Variants in AUTS2 observed in about 807,000 individuals in gnomAD.
AUTS2 encodes the protein activator of transcription and developmental regulator AUTS2, also known as autism susceptibility gene 2 protein.
A neutral mutation model predicts 112.4 loss-of-function variants in AUTS2; 17 were observed. That is an observed-to-expected ratio of 0.15 (90% CI 0.10 to 0.23). The LOEUF is 0.23. Ranked by LOEUF, AUTS2 falls within the 10% of genes least tolerant of loss-of-function variation. The probability of loss-of-function intolerance (pLI) is 1.00; values close to 1 mark genes in which losing one functional copy is unlikely to be tolerated. For missense variants in AUTS2, 1,510 were observed against 1,701.6 expected (o/e 0.89, Z 1.98); for synonymous variants, 751 against 702.7 (o/e 1.07, Z -1.09).
intron 4 of AUTS2, among the ~76,000 whole-genome samples, chr7:70,194,118 G>A (rs924189860): frequency 1.3e-5 from 2 of 152,182 alleles, no homozygotes; most frequent in African/African-American, 4.8e-5. Context: ...TAAGCATAAC[G>A]TTTGGCCAGG....
At chr7:70,007,955 G>A (rs1799620703) in intron 2 of AUTS2, among the ~76,000 whole-genome samples, 2 of 151,788 alleles carry the variant, frequency 1.3e-5, no homozygotes, top group Non-Finnish European at 2.9e-5. Flanking sequence ...TTTTTACATT[G>A]GCCTTTCTTG....
At chr7:69,895,547 C>CG (rs1554400676) in intron 1 of AUTS2, among the ~76,000 whole-genome samples, 22 of 144,816 alleles carry the variant, frequency 1.5e-4, no homozygotes, top group African/African-American at 5.6e-4. Flanking sequence ...TCTTCTTCCC[C>CG]CCCCCCGAGT....
At chr7:70,493,460 C>T (rs763375704) in intron 5 of AUTS2, among the ~76,000 whole-genome samples, 1 of 152,018 alleles carries the variant, frequency 6.6e-6, no homozygotes, top group Non-Finnish European at 1.5e-5. Context: ...TGTCAGAGAG[C>T]CTTCTTAATT....
chr7:70,313,119 T>C (rs531744021), intron 4 of AUTS2, among the ~76,000 whole-genome samples: 2 of 152,274 alleles, frequency 1.3e-5, no homozygotes, highest in Admixed American at 6.5e-5. Flanking sequence ...TAAAAAAACT[T>C]CCTCAGAATT....
chr7:70,135,681 G>A (rs1337701120), intron 4 of AUTS2, among the ~76,000 whole-genome samples: 2 of 152,046 alleles, frequency 1.3e-5, no homozygotes, highest in Non-Finnish European at 2.9e-5. Context: ...ATCTGTAATA[G>A]GAGAAAAAGT....
At chr7:70,391,580 A>G (rs1793859933) in intron 4 of AUTS2, among the ~76,000 whole-genome samples, 1 of 152,162 alleles carries the variant, frequency 6.6e-6, no homozygotes, top group Non-Finnish European at 1.5e-5. Context: ...AATCTGTAAA[A>G]CTGTTATCAA....
chr7:70,061,313 T>A (rs1035976425), intron 2 of AUTS2, among the ~76,000 whole-genome samples: 1 of 152,192 alleles, frequency 6.6e-6, no homozygotes. Flanking sequence ...TGGTAGTTCC[T>A]CAGTCCCCAA....
chr7:70,017,416 A>G (rs1318668381), intron 2 of AUTS2, among the ~76,000 whole-genome samples: 1 of 152,244 alleles, frequency 6.6e-6, no homozygotes, highest in African/African-American at 2.4e-5. Context: ...GACTAAATTA[A>G]TCACAGTCCT....
chr7:70,390,895 T>C (rs1426532398), intron 4 of AUTS2, among the ~76,000 whole-genome samples: 3 of 152,182 alleles, frequency 2.0e-5, no homozygotes, highest in Non-Finnish European at 1.5e-5. Context: ...GCCCAAGCTC[T>C]TTCCTACTTC....
chr7:70,517,279 A>C (rs1256077341), intron 5 of AUTS2, among the ~76,000 whole-genome samples: 1 of 152,162 alleles, frequency 6.6e-6, no homozygotes, highest in African/African-American at 2.4e-5. Flanking sequence ...TTCTTAGACA[A>C]CTGATTGACT....
chr7:69,940,308 C>T (rs1392197261), intron 2 of AUTS2, among the ~76,000 whole-genome samples: 1 of 152,100 alleles, frequency 6.6e-6, no homozygotes, highest in Non-Finnish European at 1.5e-5. Flanking sequence ...GCGAATTAAC[C>T]TAGGGAAGAG....
chr7:70,163,931 C>G (rs553920915), intron 4 of AUTS2, among the ~76,000 whole-genome samples: 7 of 152,200 alleles, frequency 4.6e-5, no homozygotes, highest in African/African-American at 7.2e-5. Context: ...CTCCTTCCCC[C>G]CTCCAAGAGC....
At chr7:70,448,940 A>G (rs761289022) in intron 5 of AUTS2, among the ~76,000 whole-genome samples, 2 of 152,228 alleles carry the variant, frequency 1.3e-5, no homozygotes, top group Non-Finnish European at 2.9e-5. Flanking sequence ...GTATGAAGAG[A>G]CTTCATGAAG....
intron 5 of AUTS2, among the ~76,000 whole-genome samples, chr7:70,479,171 T>C (rs1161674576): frequency 6.6e-6 from 1 of 152,158 alleles, no homozygotes; most frequent in Middle Eastern, 3.2e-3. Flanking sequence ...TTAACCCTAG[T>C]GTGGACCCTT....
chr7:70,111,483 G>A (rs1805086509), intron 2 of AUTS2, among the ~76,000 whole-genome samples: 1 of 152,134 alleles, frequency 6.6e-6, no homozygotes, highest in Non-Finnish European at 1.5e-5. Flanking sequence ...AACTTAAAGA[G>A]TTATGCAATC....
intron 4 of AUTS2, among the ~76,000 whole-genome samples, chr7:70,356,765 C>T (rs1433307775): frequency 1.3e-5 from 2 of 150,454 alleles, no homozygotes; most frequent in Non-Finnish European, 2.9e-5. Context: ...CTGAAAATTA[C>T]CTTATGTGCT....
At chr7:70,628,341 GTATATATATATATGTA>G (rs1050480952) in intron 5 of AUTS2, among the ~76,000 whole-genome samples, 4 of 5,986 alleles carry the variant, frequency 6.7e-4, no homozygotes, top group Admixed American at 1.9e-3. Context: ...TATATATATA[GTATATATATATATGTA>G]TATATATATA....
At chr7:70,332,039 A>T (rs748406064) in intron 4 of AUTS2, among the ~76,000 whole-genome samples, 1 of 152,206 alleles carries the variant, frequency 6.6e-6, no homozygotes, top group Non-Finnish European at 1.5e-5. Context: ...TTTGCAGATG[A>T]CATGATTGTA....
chr7:70,651,143 A>G (rs776655680), intron 5 of AUTS2, among the ~76,000 whole-genome samples: 5 of 152,246 alleles, frequency 3.3e-5, no homozygotes, highest in Non-Finnish European at 7.3e-5. Context: ...TTTCATCCTC[A>G]CAAAAGCTAT....
Sources: gnomAD v4.1 joint callset for allele counts (sites outside exome capture counted in the v4.1 genomes callset) on GRCh38, gnomAD v4.1.1 for gene constraint, MANE v1.5 for transcripts, NCBI Gene and HGNC (gene_info 2026-07-23, HGNC 2026-07-21) for gene names.